The following STAU2 variants were observed in gnomAD, a reference collection of about 807,000 sequenced individuals.
STAU2 encodes the protein double-stranded RNA-binding protein Staufen homolog 2.
In STAU2, 20 loss-of-function variants were observed where a neutral mutation model predicts 65.9. That is an observed-to-expected ratio of 0.30 (90% confidence interval 0.21 to 0.44). The LOEUF is 0.44. Among genes scored for constraint, STAU2 ranks in the 20% least tolerant of loss-of-function variants. The pLI, the probability that STAU2 is intolerant of heterozygous loss-of-function variation, is 1.00. For missense variants in STAU2, 558 were observed against 683.9 expected (o/e 0.82, Z 2.05); for synonymous variants, 232 against 233.9 (o/e 0.99, Z 0.07).
intron 4 of STAU2, among the ~76,000 whole-genome samples, chr8:73,692,770 A>G (rs1819416282): frequency 6.6e-6 from 1 of 152,216 alleles, no homozygotes; most frequent in Admixed American, 6.5e-5. Flanking sequence ...AGTTAGTGTC[A>G]GAATTTAGTT....
intron 6 of STAU2, among the ~76,000 whole-genome samples, chr8:73,633,417 C>T (rs1191581013): frequency 3.3e-5 from 5 of 152,088 alleles, no homozygotes; most frequent in African/African-American, 7.2e-5. Context: ...CCAGCAAGGG[C>T]CAGGTTCTCA....
intron 6 of STAU2, among the ~76,000 whole-genome samples, chr8:73,627,222 GAGGGGGGGGCAGGA>G (rs1813731639): frequency 1.9e-5 from 1 of 52,470 alleles, no homozygotes; most frequent in East Asian, 1.1e-3. Flanking sequence ...GGGGGGGGGG[GAGGGGGGGGCAGGA>G]GGGCGGGTTC....
rs1816350607 is a variant in STAU2 at position 73,421,228 on chromosome 8, T to A, written c.*144A>T. 2 of 694,266 alleles carry A rather than the reference T, an allele frequency of 2.9e-6. No homozygotes were observed. The highest frequency in any genetic ancestry group is 4.8e-6 in the Non-Finnish European group (2 of 413,540). The allele number at this position is 694,266 out of a possible 1,614,324, so 43.0% of individuals were successfully genotyped here. On this transcript the variant is annotated 3_prime_UTR_variant, in exon 15 of 15. Coordinates refer to ENST00000524300, the MANE Select transcript of STAU2 (RefSeq NM_001164380.2). The stretch of plus-strand genomic sequence containing the variant: ...CCAGTTGAATAAACAGTACCATGTA[T>A]ATTATCTCTCGTGTTAGAATAGTGT...
intron 6 of STAU2, among the ~76,000 whole-genome samples, chr8:73,667,960 C>G (rs1817355458): frequency 6.6e-6 from 1 of 152,164 alleles, no homozygotes; most frequent in Non-Finnish European, 1.5e-5. Context: ...TGAGGAACCG[C>G]TCCATAAAAT....
At chr8:73,503,778 T>C (rs1475133672) in intron 13 of STAU2, among the ~76,000 whole-genome samples, 1 of 152,082 alleles carries the variant, frequency 6.6e-6, no homozygotes, top group East Asian at 1.9e-4. Flanking sequence ...AATTTGTCTC[T>C]TGGCTGAGAC....
At chr8:73,546,729 G>GA (rs1219868217) in intron 13 of STAU2, among the ~76,000 whole-genome samples, 7 of 151,216 alleles carry the variant, frequency 4.6e-5, no homozygotes, top group Non-Finnish European at 7.4e-5. Flanking sequence ...CATTTGTGGG[G>GA]AAAAAAAAAT....
chr8:73,646,974 C>A lies in STAU2; in HGVS notation c.410+26133G>T, dbSNP rs962902921. The stretch of plus-strand genomic sequence containing the variant: ...ACACACACACACACACACACACACA[C>A]GAAAAGATGTTCAACATCCCTAACC... On this transcript the variant is annotated intron_variant, in intron 6 of 14. Coordinates refer to ENST00000524300, the MANE Select transcript of STAU2 (RefSeq NM_001164380.2). 4.7e-5 allele frequency among the ~76,000 whole-genome samples: 7 copies of A among 148,954 alleles called. No individual in the cohort carries two copies. The East Asian group carries it at 1.4e-3, about 29-fold the overall frequency.
At chr8:73,572,425 A>C (rs1217933965) in intron 12 of STAU2, among the ~76,000 whole-genome samples, 5 of 152,208 alleles carry the variant, frequency 3.3e-5, no homozygotes, top group Admixed American at 3.3e-4. Flanking sequence ...CTGATACCAA[A>C]GCCTGGCAGA....
chr8:73,746,836 G>C lies in STAU2; in HGVS notation c.-250C>G, dbSNP rs182586484. 5.8e-3 allele frequency: 7,119 copies of C among 1,225,016 alleles called. 28 individuals are homozygous for C. Among genetic ancestry groups the C allele is most frequent in the Middle Eastern group, 0.014 (65 of 4,790 alleles). 75.9% of individuals were successfully genotyped at this position (1,225,016 alleles called of 1,614,324 possible). Reference sequence around the variant, plus strand: ...CTCCAACATTGGCAAACACTACAGAGAACTGACCCCGCTCGGCCGCCGCCG... The same window carrying C: ...CTCCAACATTGGCAAACACTACAGACAACTGACCCCGCTCGGCCGCCGCCG... On this transcript the variant is annotated 5_prime_UTR_variant, in exon 1 of 15. Transcript: ENST00000524300.
chr8:73,568,326 G>A (rs778442761), intron 12 of STAU2, among the ~76,000 whole-genome samples: 2 of 152,176 alleles, frequency 1.3e-5, no homozygotes, highest in Non-Finnish European at 2.9e-5. Flanking sequence ...TGATTAAGCT[G>A]GGTGCAGTGG....
At chr8:73,483,871 T>C (rs1261395343) in intron 13 of STAU2, among the ~76,000 whole-genome samples, 3 of 152,164 alleles carry the variant, frequency 2.0e-5, no homozygotes, top group Non-Finnish European at 4.4e-5. Context: ...AACATAGTGC[T>C]ATATTTGGTA....
intron 1 of STAU2, chr8:73,742,096 T>C (rs1806925820): frequency 2.0e-6 from 1 of 490,402 alleles, no homozygotes; most frequent in Admixed American, 6.4e-5. Flanking sequence ...ATTCAGAATG[T>C]TCACAGTGGC....
intron 13 of STAU2, among the ~76,000 whole-genome samples, chr8:73,427,148 G>A (rs1282987742): frequency 2.6e-5 from 4 of 151,820 alleles, no homozygotes; most frequent in Non-Finnish European, 2.9e-5. Context: ...GGCTGGTCTC[G>A]AACTCCCGAC....
At chr8:73,615,893 A>G (rs1378989963) in intron 7 of STAU2, 111 bp from the exon 8 acceptor site, 4 of 758,796 alleles carry the variant, frequency 5.3e-6, no homozygotes, top group East Asian at 5.3e-5. Flanking sequence ...AACAAACTAT[A>G]TAGACTGTAT....
intron 13 of STAU2, among the ~76,000 whole-genome samples, chr8:73,431,518 G>A (rs1817290427): frequency 6.6e-6 from 1 of 152,144 alleles, no homozygotes; most frequent in African/African-American, 2.4e-5. Flanking sequence ...CTGTGTGTGC[G>A]TATCTGTATG....
intron 13 of STAU2, among the ~76,000 whole-genome samples, chr8:73,482,802 A>G (rs946705258): frequency 1.3e-5 from 2 of 152,140 alleles, no homozygotes; most frequent in Non-Finnish European, 2.9e-5. Context: ...CAAAAATAAC[A>G]CTTCACAACT....
intron 13 of STAU2, among the ~76,000 whole-genome samples, chr8:73,530,437 T>C (rs908707518): frequency 1.3e-5 from 2 of 151,724 alleles, no homozygotes; most frequent in African/African-American, 4.8e-5. Flanking sequence ...GATGGGGGAG[T>C]ACAACAGGAG....
chr8:73,631,488 C>T (rs888998352), intron 6 of STAU2, among the ~76,000 whole-genome samples: 2 of 151,708 alleles, frequency 1.3e-5, no homozygotes, highest in Non-Finnish European at 2.9e-5. Context: ...CAGTAGAAAT[C>T]AACTAAATAA....
chr8:73,734,603 G>A (rs1384497330), intron 3 of STAU2, among the ~76,000 whole-genome samples: 3 of 152,160 alleles, frequency 2.0e-5, no homozygotes, highest in Admixed American at 6.5e-5. Flanking sequence ...AGACCAGCCT[G>A]ACCAACATGG....
Sources: allele counts gnomAD v4.1 joint callset (sites outside exome capture counted in the v4.1 genomes callset), GRCh38; gene constraint gnomAD v4.1.1; transcripts MANE v1.5; gene names NCBI Gene and HGNC (gene_info 2026-07-23, HGNC 2026-07-21).